Variants in MCTP2 observed in about 807,000 individuals in gnomAD.
MCTP2 encodes the protein multiple C2 and transmembrane domain-containing protein 2.
A neutral mutation model predicts 111.6 loss-of-function variants in MCTP2; 132 were observed. That is an observed-to-expected ratio of 1.18 (90% confidence interval 1.03 to 1.37). The LOEUF (loss-of-function observed/expected upper bound fraction) is 1.37. Ranked by LOEUF, MCTP2 falls within the 40% of genes most tolerant of loss-of-function variation. The pLI is 0.00. For missense variants in MCTP2, 1,183 were observed against 1,067.9 expected (o/e 1.11, Z -1.50); for synonymous variants, 395 against 387.7 (o/e 1.02, Z -0.22).
intron 17 of MCTP2, among the ~76,000 whole-genome samples, chr15:94,424,420 C>CA (rs2082778858): frequency 6.6e-6 from 1 of 152,138 alleles, no homozygotes; most frequent in Non-Finnish European, 1.5e-5. Context: ...AGTGAGGTGC[C>CA]TGGAGGGCAG....
chr15:94,398,555 C>A lies in MCTP2; in HGVS notation c.1789-406C>A, dbSNP rs747317890. ...GGACCCAATCCAGAATACCACATTGCATTTAATCATCTTATCTCCTTAGAC... is the reference window on the plus strand; with the variant it reads ...GGACCCAATCCAGAATACCACATTGAATTTAATCATCTTATCTCCTTAGAC... On this transcript the variant is annotated intron_variant, in intron 14 of 22. Coordinates refer to ENST00000357742, the MANE Select transcript of MCTP2 (RefSeq NM_001385001.1). Among the ~76,000 whole-genome samples the A allele has an allele frequency of 5.9e-5, 9 of 152,336 alleles. No individual in the cohort carries two copies. In the South Asian group the frequency reaches 6.2e-4, roughly 11 times the overall value.
chr15:94,388,904 G>A (rs2080687044), intron 14 of MCTP2, among the ~76,000 whole-genome samples: 1 of 152,162 alleles, frequency 6.6e-6, no homozygotes, highest in African/African-American at 2.4e-5. Flanking sequence ...TAATTATTAA[G>A]TATATATCAT....
intron 10 of MCTP2, among the ~76,000 whole-genome samples, chr15:94,359,371 A>G (rs1032643966): frequency 2.6e-5 from 4 of 152,224 alleles, no homozygotes; most frequent in African/African-American, 9.6e-5. Context: ...TCAAACACCA[A>G]GTAGTTTTCT....
At position 94,264,031 on chromosome 15, in the gene MCTP2, T is replaced by C. The variant is rs149964018; in HGVS notation, c.-66+32367T>C. Among the ~76,000 whole-genome samples the C allele has an allele frequency of 2.4e-3, 368 of 152,294 alleles. 2 individuals carry two copies. The highest frequency in any genetic ancestry group is 8.8e-3 in the African/African-American group (366 of 41,566). ...TTCTCTCTCTGGCACTCCTCTTACT[T>C]GGTGCTGACACTTGAAACCTCTTAG... On this transcript the variant is annotated intron_variant, in intron 1 of 22. Coordinates refer to ENST00000357742, the MANE Select transcript of MCTP2 (RefSeq NM_001385001.1).
chr15:94,238,324 A>C (rs2070707167), intron 1 of MCTP2, among the ~76,000 whole-genome samples: 1 of 152,180 alleles, frequency 6.6e-6, no homozygotes, highest in African/African-American at 2.4e-5. Flanking sequence ...TCTGTTATAA[A>C]AACACACATT....
At chr15:94,422,843 C>T (rs2082688929) in intron 17 of MCTP2, among the ~76,000 whole-genome samples, 1 of 152,124 alleles carries the variant, frequency 6.6e-6, no homozygotes, top group South Asian at 2.1e-4. Context: ...TCCCACTAAA[C>T]TATCAGTCAT....
intron 17 of MCTP2, chr15:94,403,305 C>G: frequency 1.1e-6 from 1 of 944,750 alleles, no homozygotes. Context: ...ACTTCCCTTT[C>G]TCACGTTCTC....
At chr15:94,440,801 A>G (rs1220762913) in intron 18 of MCTP2, among the ~76,000 whole-genome samples, 2 of 152,122 alleles carry the variant, frequency 1.3e-5, no homozygotes, top group Non-Finnish European at 2.9e-5. Flanking sequence ...AGATCCATCT[A>G]TTTGCAGGTG....
chr15:94,349,734 G>A (rs35894501), intron 8 of MCTP2, among the ~76,000 whole-genome samples: 27,898 of 151,188 alleles, frequency 0.18, 2,854 homozygotes, highest in East Asian at 0.31. Context: ...GCAGGAGAAT[G>A]GTGTGAACCT....
intron 1 of MCTP2, among the ~76,000 whole-genome samples, chr15:94,236,821 G>A (rs574525566): frequency 5.3e-5 from 8 of 152,284 alleles, no homozygotes; most frequent in South Asian, 4.1e-4. Flanking sequence ...CAGGAAAGGC[G>A]CTCATAAGTT....
intron 8 of MCTP2, among the ~76,000 whole-genome samples, chr15:94,345,552 T>C (rs2077933249): frequency 6.6e-6 from 1 of 152,208 alleles, no homozygotes; most frequent in African/African-American, 2.4e-5. Flanking sequence ...TGGTACACTT[T>C]TTAAGTCTCT....
intron 8 of MCTP2, among the ~76,000 whole-genome samples, chr15:94,346,614 G>C (rs752597621): frequency 6.6e-6 from 1 of 152,130 alleles, no homozygotes; most frequent in Non-Finnish European, 1.5e-5. Context: ...ACTAAAACAC[G>C]GGTACTGTAC....
At chr15:94,407,515 G>A (rs577282675) in intron 17 of MCTP2, among the ~76,000 whole-genome samples, 1 of 152,092 alleles carries the variant, frequency 6.6e-6, no homozygotes, top group South Asian at 2.1e-4. Flanking sequence ...TTTGAGTATA[G>A]GGAAATAAAG....
chr15:94,402,639 G>C, intron 17 of MCTP2: 7 of 1,544,962 alleles, frequency 4.5e-6, no homozygotes, highest in Non-Finnish European at 6.1e-6. Flanking sequence ...AAGAATCTTG[G>C]AAGGACTTCA....
At chr15:94,352,665 C>T (rs1396139129) in intron 8 of MCTP2, among the ~76,000 whole-genome samples, 1 of 152,118 alleles carries the variant, frequency 6.6e-6, no homozygotes, top group African/African-American at 2.4e-5. Flanking sequence ...ACATTCCAGG[C>T]TGCATTAAGA....
chr15:94,298,357 AC>A lies in MCTP2; in HGVS notation c.95del (p.Pro32GlnfsTer65). 1.2e-6 allele frequency: 2 copies of A among 1,613,986 alleles called. No individual in the cohort carries two copies. Among genetic ancestry groups the A allele is most frequent in the East Asian group, 4.5e-5 (2 of 44,864 alleles). On this transcript the variant is annotated frameshift_variant, in exon 2 of 23. Coordinates refer to ENST00000357742, the MANE Select transcript of MCTP2 (RefSeq NM_001385001.1). LOFTEE classifies it high-confidence loss of function. ...INLSKKKVKK[N>X]PSKPPDLRAR... ...TTGAGCAAGAAGAAGGTGAAAAAGAACCCAAGTAAGCCCCCAGATCTACGGG... is the reference window on the plus strand; with the variant it reads ...TTGAGCAAGAAGAAGGTGAAAAAGAACCAAGTAAGCCCCCAGATCTACGGG...
chr15:94,238,949 A>T (rs1321918191), intron 1 of MCTP2, among the ~76,000 whole-genome samples: 2 of 151,674 alleles, frequency 1.3e-5, no homozygotes, highest in Non-Finnish European at 2.9e-5. Flanking sequence ...TATCTGTGTG[A>T]CCACGCCCAT....
At position 94,314,211 on chromosome 15, in the gene MCTP2, T is replaced by TA. The variant is rs2076276176; in HGVS notation, c.466-70dup. Reference sequence around the variant, plus strand: ...CAGATTTCCAAAGGAAAAGACCTGATAGAGGGTATCTTCCTGAGTTGGTAT... The same window carrying TA: ...CAGATTTCCAAAGGAAAAGACCTGATAAGAGGGTATCTTCCTGAGTTGGTAT... On this transcript the variant is annotated intron_variant, in intron 2 of 22. Transcript: ENST00000357742. 57 of 1,033,358 alleles carry TA rather than the reference T, an allele frequency of 5.5e-5. No homozygotes were observed. In the South Asian group the frequency reaches 7.5e-4, roughly 14 times the overall value. The allele number at this position is 1,033,358 out of a possible 1,614,324, so 64.0% of individuals were successfully genotyped here.
chr15:94,308,824 C>T (rs572694397), intron 2 of MCTP2, among the ~76,000 whole-genome samples: 3 of 152,256 alleles, frequency 2.0e-5, no homozygotes, highest in South Asian at 4.1e-4. Flanking sequence ...AAGTAGACAG[C>T]GGTGTATTTC....
Sources: allele counts gnomAD v4.1 joint callset (sites outside exome capture counted in the v4.1 genomes callset), GRCh38; gene constraint gnomAD v4.1.1; transcripts MANE v1.5; gene names NCBI Gene and HGNC (gene_info 2026-07-23, HGNC 2026-07-21).